SNX29: variants seen among roughly 807,000 people sequenced by gnomAD.
The protein encoded by SNX29 is sorting nexin 29, also known as sorting nexin-29.
SNX29 carries 78 observed loss-of-function variants against 102.1 expected under a neutral mutation model. That is an observed-to-expected ratio of 0.76 (90% CI 0.64 to 0.92). The LOEUF is 0.92. Among genes scored for constraint, SNX29 ranks in the 40% least tolerant of loss-of-function variants. The probability of loss-of-function intolerance (pLI) is 0.00; values close to 1 mark genes in which losing one functional copy is unlikely to be tolerated. For missense variants in SNX29, 1,280 were observed against 1,061.7 expected (o/e 1.21, Z -2.86); for synonymous variants, 580 against 414.5 (o/e 1.40, Z -4.85).
At position 12,039,772 on chromosome 16, in the gene SNX29, G is replaced by A. The variant is rs375229417; in HGVS notation, c.248-3125G>A. Among the ~76,000 whole-genome samples the A allele has an allele frequency of 3.9e-5, 6 of 152,310 alleles. No homozygotes were observed. The South Asian group carries it at 1.2e-3, about 32-fold the overall frequency. On this transcript the variant is annotated intron_variant, in intron 4 of 20. Coordinates refer to ENST00000566228, the MANE Select transcript of SNX29 (RefSeq NM_032167.5). ...ATTTTGCAGGGCAGTGTGATTTAGTGGTTTGCAGTGAGCTCTGGGGTCCCT... is the reference window on the plus strand; with the variant it reads ...ATTTTGCAGGGCAGTGTGATTTAGTAGTTTGCAGTGAGCTCTGGGGTCCCT...
chr16:12,233,383 A>T (rs2077828670), intron 14 of SNX29, among the ~76,000 whole-genome samples: 1 of 152,192 alleles, frequency 6.6e-6, no homozygotes, highest in Non-Finnish European at 1.5e-5. Context: ...TGGGAGCTAA[A>T]CAGTGGGTAC....
At chr16:12,162,330 G>T (rs188050411) in intron 13 of SNX29, among the ~76,000 whole-genome samples, 70 of 152,298 alleles carry the variant, frequency 4.6e-4, no homozygotes, top group African/African-American at 1.5e-3. Flanking sequence ...CCTCTGAAAT[G>T]ATCAATACTT....
intron 18 of SNX29, chr16:12,443,251 C>CT (rs2085891664): frequency 1.0e-5 from 3 of 293,436 alleles, no homozygotes; most frequent in Non-Finnish European, 2.1e-5. Flanking sequence ...GCAGGGTCAC[C>CT]TGTGTGCTAC....
chr16:12,027,807 C>T (rs535080912), intron 4 of SNX29: 1 of 170,670 alleles, frequency 5.9e-6, no homozygotes, highest in African/African-American at 2.4e-5. Flanking sequence ...TTAATGTCTT[C>T]CATACCAGCA....
At chr16:11,993,321 T>A (rs555887294) in intron 1 of SNX29, among the ~76,000 whole-genome samples, 5 of 151,966 alleles carry the variant, frequency 3.3e-5, no homozygotes, top group African/African-American at 7.2e-5. Context: ...CTCCTGCTTG[T>A]TTTCTCCTCC....
chr16:12,208,036 T>C (rs1000286309), intron 14 of SNX29, among the ~76,000 whole-genome samples: 14 of 152,208 alleles, frequency 9.2e-5, no homozygotes, highest in African/African-American at 3.4e-4. Context: ...CACAGAGATG[T>C]TGATGTAGAT....
intron 20 of SNX29, among the ~76,000 whole-genome samples, chr16:12,560,058 A>G (rs1029633207): frequency 1.2e-4 from 19 of 152,154 alleles, no homozygotes; most frequent in African/African-American, 4.3e-4. Flanking sequence ...AATGACTAGA[A>G]AACTATGTAA....
intron 20 of SNX29, among the ~76,000 whole-genome samples, chr16:12,557,015 A>ACCCCCC (rs11387141): frequency 7.5e-4 from 24 of 31,820 alleles, no homozygotes; most frequent in South Asian, 2.3e-3. Context: ...TGGCTAATTT[A>ACCCCCC]CCCCCCCCCC....
intron 18 of SNX29, among the ~76,000 whole-genome samples, chr16:12,432,677 G>A (rs2085362032): frequency 6.6e-6 from 1 of 152,238 alleles, no homozygotes; most frequent in South Asian, 2.1e-4. Context: ...CGAGTACAGG[G>A]CTGTCTAGGT....
intron 19 of SNX29, among the ~76,000 whole-genome samples, chr16:12,488,819 TC>T (rs1349224463): frequency 2.6e-5 from 4 of 152,258 alleles, no homozygotes; most frequent in Non-Finnish European, 5.9e-5. Flanking sequence ...ACTTCTGGGG[TC>T]TGGTGTTCTC....
At position 12,022,567 on chromosome 16, in the gene SNX29, A is replaced by G. The variant is rs188461612; in HGVS notation, c.123-4753A>G. 3.5e-4 allele frequency among the ~76,000 whole-genome samples: 53 copies of G among 152,248 alleles called. 2 individuals are homozygous for G. The East Asian group carries it at 5.6e-3, about 16-fold the overall frequency. ...ATCGATCACAATTCAGTTTTAGAGC[A>G]TTTCCATTATCCCCCCAAATTCCCT... On this transcript the variant is annotated intron_variant, in intron 3 of 20. Coordinates refer to ENST00000566228, the MANE Select transcript of SNX29 (RefSeq NM_032167.5).
At chr16:12,300,024 C>G (rs1190248406) in intron 15 of SNX29, among the ~76,000 whole-genome samples, 1 of 152,088 alleles carries the variant, frequency 6.6e-6, no homozygotes, top group Admixed American at 6.5e-5. Flanking sequence ...GTGCCTGCCA[C>G]CACGCCTGGC....
intron 15 of SNX29, 96 bp downstream of exon 15, chr16:12,278,132 A>G (rs2079314178): frequency 3.8e-6 from 4 of 1,051,972 alleles, no homozygotes; most frequent in Middle Eastern, 2.0e-4. Context: ...ACACGTGAGC[A>G]AAACGACCAA....
chr16:12,551,583 T>G (rs1470387795), intron 20 of SNX29, among the ~76,000 whole-genome samples: 3 of 152,240 alleles, frequency 2.0e-5, no homozygotes, highest in Non-Finnish European at 2.9e-5. Context: ...TTCAAAAGGC[T>G]GGAACAAATT....
At chr16:12,464,275 A>C (rs79144841) in intron 18 of SNX29, among the ~76,000 whole-genome samples, 1 of 149,414 alleles carries the variant, frequency 6.7e-6, no homozygotes, top group African/African-American at 2.5e-5. Context: ...TGGCATGTTT[A>C]TGTGTGTGTA....
rs532285948 is a variant in SNX29 at position 12,193,121 on chromosome 16, C to T, written c.1596-6480C>T. Among the ~76,000 whole-genome samples the T allele has an allele frequency of 2.0e-5, 3 of 152,194 alleles. No homozygotes were observed. The South Asian group carries it at 6.2e-4, about 32-fold the overall frequency. On this transcript the variant is annotated intron_variant, in intron 13 of 20. Transcript: ENST00000566228. ...AAGTGCTGCAATTACAGGAATGTGC[C>T]ACTGCGCCCAAAACATTTATCATAA... is the stretch of plus-strand genomic sequence containing the variant.
chr16:12,157,386 G>A (rs2055596764), intron 13 of SNX29, among the ~76,000 whole-genome samples: 1 of 152,226 alleles, frequency 6.6e-6, no homozygotes, highest in Admixed American at 6.5e-5. Flanking sequence ...CAGCATGAGG[G>A]CGAGAGGTGA....
chr16:12,330,248 G>T (rs149307519), intron 15 of SNX29, among the ~76,000 whole-genome samples: 2 of 152,214 alleles, frequency 1.3e-5, no homozygotes, highest in Non-Finnish European at 2.9e-5. Context: ...ACCTCTCTGT[G>T]CCTGTTTCCT....
At chr16:12,462,911 A>G (rs2086870817) in intron 18 of SNX29, among the ~76,000 whole-genome samples, 1 of 152,204 alleles carries the variant, frequency 6.6e-6, no homozygotes, top group South Asian at 2.1e-4. Context: ...TGCAGGATGA[A>G]GTCATACTTC....
Sources: allele counts gnomAD v4.1 joint callset (sites outside exome capture counted in the v4.1 genomes callset), GRCh38; gene constraint gnomAD v4.1.1; transcripts MANE v1.5; gene names NCBI Gene and HGNC (gene_info 2026-07-23, HGNC 2026-07-21).